Variants in RNGTT observed in about 807,000 individuals in gnomAD.
The protein encoded by RNGTT is mRNA-capping enzyme.
In RNGTT, 33 loss-of-function variants were observed where a neutral mutation model predicts 79.3. The observed-to-expected ratio is 0.42, with a 90% confidence interval of 0.32 to 0.56. The LOEUF is 0.56. Ranked by LOEUF, RNGTT falls within the 20% of genes least tolerant of loss-of-function variation. The pLI is 0.17. For missense variants in RNGTT, 497 were observed against 739.1 expected (o/e 0.67, Z 3.80); for synonymous variants, 222 against 235.9 (o/e 0.94, Z 0.54).
intron 14 of RNGTT, among the ~76,000 whole-genome samples, chr6:88,618,751 T>C (rs1329694629): frequency 6.6e-6 from 1 of 152,166 alleles, no homozygotes; most frequent in African/African-American, 2.4e-5. Context: ...TAATCTGGGG[T>C]TAAGAAACTA....
intron 13 of RNGTT, among the ~76,000 whole-genome samples, chr6:88,744,449 A>G (rs1455528343): frequency 6.6e-6 from 1 of 152,064 alleles, no homozygotes; most frequent in Non-Finnish European, 1.5e-5. Context: ...TTTAGTAGAG[A>G]TGAGGTTTCA....
chr6:88,723,960 G>C (rs1396827316), intron 13 of RNGTT, among the ~76,000 whole-genome samples: 1 of 152,032 alleles, frequency 6.6e-6, no homozygotes, highest in Non-Finnish European at 1.5e-5. Context: ...CCTGGCCTCA[G>C]GTGATCCGCC....
chr6:88,890,435 AAAAC>A (rs1450420138), intron 8 of RNGTT, 56 bp downstream of exon 8: 22 of 1,053,070 alleles, frequency 2.1e-5, no homozygotes, highest in Admixed American at 1.0e-4. Context: ...TTCTAACAAT[AAAAC>A]AATATTCTTC....
At chr6:88,692,043 A>T (rs565387631) in intron 13 of RNGTT, among the ~76,000 whole-genome samples, 1 of 152,218 alleles carries the variant, frequency 6.6e-6, no homozygotes, top group Non-Finnish European at 1.5e-5. Flanking sequence ...AAAAAGAAAC[A>T]TAACTACATT....
chr6:88,949,423 G>A (rs185693126), intron 1 of RNGTT, among the ~76,000 whole-genome samples: 173 of 151,806 alleles, frequency 1.1e-3, no homozygotes, highest in African/African-American at 3.6e-3. Context: ...CACCATGCCC[G>A]GCTAATTTTT....
intron 13 of RNGTT, among the ~76,000 whole-genome samples, chr6:88,746,913 C>T (rs1397476712): frequency 6.6e-6 from 1 of 152,160 alleles, no homozygotes; most frequent in African/African-American, 2.4e-5. Context: ...AAAGTGAAGA[C>T]TTAAAGAAAT....
At chr6:88,764,191 C>T (rs1778367961) in intron 13 of RNGTT, among the ~76,000 whole-genome samples, 1 of 152,218 alleles carries the variant, frequency 6.6e-6, no homozygotes, top group Admixed American at 6.5e-5. Flanking sequence ...GCAGTGCTTG[C>T]TTCCTCTGCA....
At chr6:88,917,810 C>G (rs1470081733) in intron 4 of RNGTT, among the ~76,000 whole-genome samples, 1 of 152,044 alleles carries the variant, frequency 6.6e-6, no homozygotes, top group Non-Finnish European at 1.5e-5. Flanking sequence ...TCGCGTGAGC[C>G]CAGGAGGCAG....
At chr6:88,933,895 T>C (rs1015019260) in intron 2 of RNGTT, among the ~76,000 whole-genome samples, 1 of 152,242 alleles carries the variant, frequency 6.6e-6, no homozygotes, top group Non-Finnish European at 1.5e-5. Flanking sequence ...AGTTCTACTT[T>C]TAGTTTTCTG....
intron 11 of RNGTT, among the ~76,000 whole-genome samples, chr6:88,832,382 A>G (rs1322095523): frequency 6.6e-6 from 1 of 152,228 alleles, no homozygotes; most frequent in Non-Finnish European, 1.5e-5. Flanking sequence ...AAAACTGGCT[A>G]GCAATATGCA....
chr6:88,632,318 C>T (rs1330914077), intron 14 of RNGTT, among the ~76,000 whole-genome samples: 2 of 152,058 alleles, frequency 1.3e-5, no homozygotes, highest in Non-Finnish European at 2.9e-5. Flanking sequence ...ATAACTTATC[C>T]AAAGCATATG....
At chr6:88,688,922 TTTC>T (rs1775376024) in intron 13 of RNGTT, among the ~76,000 whole-genome samples, 1 of 152,210 alleles carries the variant, frequency 6.6e-6, no homozygotes, top group Admixed American at 6.5e-5. Context: ...TCCTTGTTAT[TTTC>T]TTAATATTTT....
In RNGTT at chr6:88,681,451, C is replaced by T. The variant is rs189859174; in HGVS notation, c.1440-3032G>A. On this transcript the variant is annotated intron_variant, in intron 13 of 15. Transcript: ENST00000369485. Reference sequence around the variant, plus strand: ...TTATCCCTTACCATATATTATATTACCACCTTTGTTTGAGTGGATTTTAAC... The same window carrying T: ...TTATCCCTTACCATATATTATATTATCACCTTTGTTTGAGTGGATTTTAAC... Among the ~76,000 whole-genome samples the T allele has an allele frequency of 2.6e-5, 4 of 152,166 alleles. No individual in the cohort carries two copies. In the East Asian group the frequency reaches 7.7e-4, roughly 29 times the overall value.
chr6:88,738,315 G>A (rs1777352583), intron 13 of RNGTT, among the ~76,000 whole-genome samples: 1 of 152,152 alleles, frequency 6.6e-6, no homozygotes. Flanking sequence ...TCACAGCCAA[G>A]AGTACCCTAA....
chr6:88,822,746 C>A (rs1019067528), intron 11 of RNGTT, among the ~76,000 whole-genome samples: 1 of 152,088 alleles, frequency 6.6e-6, no homozygotes, highest in African/African-American at 2.4e-5. Context: ...AAAGAGTGAA[C>A]ATTGATAGGA....
intron 13 of RNGTT, among the ~76,000 whole-genome samples, chr6:88,749,108 C>T (rs746008271): frequency 2.6e-5 from 4 of 151,938 alleles, no homozygotes; most frequent in East Asian, 1.9e-4. Context: ...ATTCAATATC[C>T]AATAAATAGG....
At chr6:88,637,575 T>G (rs1773144971) in intron 14 of RNGTT, among the ~76,000 whole-genome samples, 1 of 152,004 alleles carries the variant, frequency 6.6e-6, no homozygotes, top group Admixed American at 6.6e-5. Flanking sequence ...TATACCAAAT[T>G]CCAGAGAGCC....
intron 1 of RNGTT, among the ~76,000 whole-genome samples, chr6:88,943,134 A>C (rs566500149): frequency 1.6e-4 from 24 of 152,304 alleles, no homozygotes; most frequent in African/African-American, 5.5e-4. Context: ...TTACAAATTT[A>C]TATTTCCAGT....
At chr6:88,669,203 C>T (rs1416998030) in intron 14 of RNGTT, among the ~76,000 whole-genome samples, 1 of 152,144 alleles carries the variant, frequency 6.6e-6, no homozygotes, top group East Asian at 1.9e-4. Context: ...GTGTTCCAGA[C>T]CTTTTATGAT....
Sources: gnomAD v4.1 joint callset for allele counts (sites outside exome capture counted in the v4.1 genomes callset) on GRCh38, gnomAD v4.1.1 for gene constraint, MANE v1.5 for transcripts, NCBI Gene and HGNC (gene_info 2026-07-23, HGNC 2026-07-21) for gene names.